Variants in TEKT3 observed in about 807,000 individuals in gnomAD.
TEKT3 encodes tektin-3.
A neutral mutation model predicts 49.8 loss-of-function variants in TEKT3; 49 were observed. That is an observed-to-expected ratio of 0.98 (90% confidence interval 0.78 to 1.25). The LOEUF (loss-of-function observed/expected upper bound fraction) is 1.25, where lower values mean the gene tolerates loss of function less well. Among genes scored for constraint, TEKT3 ranks in the 50% most tolerant of loss-of-function variants. The probability of loss-of-function intolerance (pLI) is 0.00; values close to 1 mark genes in which losing one functional copy is unlikely to be tolerated. For synonymous variants in TEKT3, 225 were observed against 237.2 expected, an observed-to-expected ratio of 0.95 and a Z score of 0.47; for missense variants, 595 against 629.5, an observed-to-expected ratio of 0.95 and a Z score of 0.59.
intron 4 of TEKT3, among the ~76,000 whole-genome samples, chr17:15,324,085 C>T (rs1203720135): frequency 1.3e-5 from 2 of 152,130 alleles, no homozygotes; most frequent in African/African-American, 4.8e-5. Context: ...TAGCTGTCAC[C>T]CACAATTTCC....
chr17:15,330,504 G>A (rs116773908), intron 3 of TEKT3, among the ~76,000 whole-genome samples: 1,919 of 152,136 alleles, frequency 0.013, 40 homozygotes, highest in African/African-American at 0.042. Flanking sequence ...ACCCTCCCCC[G>A]TTCTCTCTTG....
chr17:15,328,287 T>G (rs1911572028), intron 3 of TEKT3, among the ~76,000 whole-genome samples: 1 of 152,220 alleles, frequency 6.6e-6, no homozygotes, highest in African/African-American at 2.4e-5. Context: ...CAAAATAGTT[T>G]GAAAATATTC....
chr17:15,331,048 T>C lies in TEKT3; in HGVS notation c.538A>G (p.Arg180Gly). ...ETNALTDVKK[R>G]LERALMETEA... ...GTCTCCATCAAAGCCCGCTCCAGTCTTTTCTTCACATCAGTAAGTGCATTT... is the reference window on the plus strand; with the variant it reads ...GTCTCCATCAAAGCCCGCTCCAGTCCTTTCTTCACATCAGTAAGTGCATTT... The change falls in exon 3 of 9, where the codon AGA (arginine) becomes GGA (glycine). Residue 180 changes from arginine to glycine, a missense_variant. Coordinates refer to ENST00000395930, the MANE Select transcript of TEKT3 (RefSeq NM_031898.3). The C allele has an allele frequency of 6.2e-7, 1 of 1,614,018 alleles. No individual in the cohort carries two copies. The highest frequency in any genetic ancestry group is 2.2e-5 in the East Asian group (1 of 44,886).
intron 5 of TEKT3, 122 bp downstream of exon 5, chr17:15,318,954 TA>T: frequency 1.5e-6 from 1 of 686,882 alleles, no homozygotes; most frequent in Non-Finnish European, 2.4e-6. Flanking sequence ...AACATTTGAA[TA>T]AAAATATGTG....
intron 7 of TEKT3, 106 bp from the exon 8 acceptor site, chr17:15,308,924 C>A: frequency 7.3e-7 from 1 of 1,372,784 alleles, no homozygotes; most frequent in Non-Finnish European, 1.0e-6. Flanking sequence ...GCCTTGACCT[C>A]GCTGATGAGG....
chr17:15,321,080 G>T (rs556530029), intron 4 of TEKT3, among the ~76,000 whole-genome samples: 437 of 151,228 alleles, frequency 2.9e-3, no homozygotes, highest in African/African-American at 0.01. Flanking sequence ...CGCGATCTCG[G>T]CTCACTGCAA....
chr17:15,342,991 T>C (rs1384577715), upstream of TEKT3, among the ~76,000 whole-genome samples: 1 of 152,250 alleles, frequency 6.6e-6, no homozygotes, highest in African/African-American at 2.4e-5. Context: ...ATTTTCAGTA[T>C]TCAGCACGGG....
intron 2 of TEKT3, among the ~76,000 whole-genome samples, chr17:15,337,433 AT>A (rs1262873673): frequency 1.3e-5 from 2 of 152,252 alleles, no homozygotes; most frequent in Non-Finnish European, 2.9e-5. Flanking sequence ...TATGCTGATA[AT>A]TAAACAATCC....
intron 4 of TEKT3, among the ~76,000 whole-genome samples, chr17:15,326,821 C>A (rs1911513473): frequency 6.6e-6 from 1 of 152,132 alleles, no homozygotes; most frequent in Admixed American, 6.5e-5. Flanking sequence ...TGATAGAGAT[C>A]TGTGGTAGCA....
At chr17:15,342,760 G>T (rs528418741), upstream of TEKT3, among the ~76,000 whole-genome samples, 1 of 152,236 alleles carries the variant, frequency 6.6e-6, no homozygotes, top group South Asian at 2.1e-4. Flanking sequence ...CCCCAAAGAG[G>T]AAAACCACAG....
upstream of TEKT3, among the ~76,000 whole-genome samples, chr17:15,342,220 C>A (rs1912257458): frequency 6.6e-6 from 1 of 152,150 alleles, no homozygotes; most frequent in Non-Finnish European, 1.5e-5. Context: ...TCTTTCCAAA[C>A]CTGTAAGAGG....
chr17:15,331,785 GT>G (rs377537787), intron 2 of TEKT3, among the ~76,000 whole-genome samples, 171 bp from the exon 3 acceptor site: 1,868 of 151,418 alleles, frequency 0.012, 33 homozygotes, highest in African/African-American at 0.043. Context: ...TTCCAACAAA[GT>G]TTTTTTTTAA....
At chr17:15,337,104 T>G (rs1275669958) in intron 2 of TEKT3, among the ~76,000 whole-genome samples, 2 of 152,080 alleles carry the variant, frequency 1.3e-5, no homozygotes, top group Non-Finnish European at 1.5e-5. Flanking sequence ...AAAAACATTA[T>G]GTTAATGTAT....
rs1313646846 is a variant in TEKT3 at position 15,304,791 on chromosome 17, T to C, written c.1257-639A>G. On this transcript the variant is annotated intron_variant, in intron 8 of 8. Transcript: ENST00000395930. This position sits in a 1 kb window ranked among gnomAD's most constrained non-coding sequence, Gnocchi z 4.7. ...GACCTCGAGGGCTTCACTCTTGCTGTCCCCTAAGCTCAGAATGCTCCTAAC... is the reference window on the plus strand; with the variant it reads ...GACCTCGAGGGCTTCACTCTTGCTGCCCCCTAAGCTCAGAATGCTCCTAAC... 6.6e-6 allele frequency among the ~76,000 whole-genome samples: 1 copy of C among 152,148 alleles called. No individual in the cohort carries two copies. Among genetic ancestry groups the C allele is most frequent in the African/African-American group, 2.4e-5 (1 of 41,426 alleles).
In TEKT3 at chr17:15,319,077, G is replaced by A. The variant is rs767177901; in HGVS notation, c.734C>T (p.Ala245Val). The change falls in exon 5 of 9, where the codon GCA (alanine) becomes GTA (valine). Residue 245 changes from alanine (A) to valine (V), a missense_variant and splice_region_variant. By Grantham distance (64) the Ala-to-Val change is moderately conservative. Transcript: ENST00000395930. Reference sequence around the variant, plus strand: ...TTGTATAGAGACATAAAGCTCTTACGCAAGTTGGGCAATAGCCTTATCCAA... The same window carrying A: ...TTGTATAGAGACATAAAGCTCTTACACAAGTTGGGCAATAGCCTTATCCAA... The part of the protein sequence containing the change: ...LHLDKAIAQL[A>V]ANRASQHELE... 105 of 1,609,356 alleles carry A rather than the reference G, an allele frequency of 6.5e-5. No individual in the cohort carries two copies. The highest frequency in any genetic ancestry group is 1.8e-4 in the East Asian group (8 of 44,738).
chr17:15,322,519 A>C (rs917173852), intron 4 of TEKT3, among the ~76,000 whole-genome samples: 4 of 152,224 alleles, frequency 2.6e-5, no homozygotes, highest in African/African-American at 9.6e-5. Flanking sequence ...TATGCACCAC[A>C]TCACAGAAAC....
chr17:15,318,696 C>A (rs1911124075), intron 5 of TEKT3, among the ~76,000 whole-genome samples: 1 of 152,092 alleles, frequency 6.6e-6, no homozygotes. Context: ...CGCCACCATG[C>A]CTGGCTAATT....
At chr17:15,325,847 T>G (rs1911467170) in intron 4 of TEKT3, among the ~76,000 whole-genome samples, 1 of 152,168 alleles carries the variant, frequency 6.6e-6, no homozygotes, top group Non-Finnish European at 1.5e-5. Context: ...GGTGACAGAT[T>G]ATTTTAAGGC....
intron 5 of TEKT3, among the ~76,000 whole-genome samples, chr17:15,314,523 G>C (rs1910920396): frequency 1.3e-5 from 2 of 152,190 alleles, no homozygotes; most frequent in South Asian, 4.1e-4. Flanking sequence ...AGCCCCAGCT[G>C]GGGCCCATCT....
Sources: gnomAD v4.1 joint callset for allele counts (sites outside exome capture counted in the v4.1 genomes callset) on GRCh38, gnomAD v4.1.1 for gene constraint, Gnocchi (gnomAD v3.1) non-coding constraint, MANE v1.5 for transcripts, NCBI Gene and HGNC (gene_info 2026-07-23, HGNC 2026-07-21) for gene names.